The following GUCY1A2 variants were observed in gnomAD, a reference collection of about 807,000 sequenced individuals.
GUCY1A2 encodes the protein guanylate cyclase soluble subunit alpha-2.
GUCY1A2 carries 27 observed loss-of-function variants against 63.5 expected under a neutral mutation model. That is an observed-to-expected ratio of 0.43 (90% confidence interval 0.31 to 0.59). The LOEUF (loss-of-function observed/expected upper bound fraction) is 0.59. Among genes scored for constraint, GUCY1A2 ranks in the 20% least tolerant of loss-of-function variants. The probability of loss-of-function intolerance (pLI) is 0.11; values close to 1 mark genes in which losing one functional copy is unlikely to be tolerated. For missense variants in GUCY1A2, 768 were observed against 913.3 expected, an observed-to-expected ratio of 0.84 and a Z score of 2.05; for synonymous variants, 364 against 343.5, an observed-to-expected ratio of 1.06 and a Z score of -0.66.
chr11:106,711,896 C>A (rs10736431), intron 6 of GUCY1A2, among the ~76,000 whole-genome samples: 95,042 of 151,938 alleles, frequency 0.63, 30,783 homozygotes, highest in African/African-American at 0.79. Context: ...TTTTGGATAA[C>A]AAATCTGCTA....
chr11:106,690,666 T>G (rs1009266953), intron 7 of GUCY1A2, among the ~76,000 whole-genome samples: 5 of 152,202 alleles, frequency 3.3e-5, no homozygotes, highest in African/African-American at 9.7e-5. Context: ...TGTATATACA[T>G]TTGTATGTAA....
At chr11:106,923,999 A>C (rs1860485059) in intron 4 of GUCY1A2, among the ~76,000 whole-genome samples, 1 of 152,204 alleles carries the variant, frequency 6.6e-6, no homozygotes, top group Non-Finnish European at 1.5e-5. Context: ...ATATTCTTAA[A>C]TCTTTGACGA....
chr11:106,983,441 T>C (rs772703747), intron 2 of GUCY1A2, among the ~76,000 whole-genome samples: 43 of 152,184 alleles, frequency 2.8e-4, no homozygotes, highest in Non-Finnish European at 6.0e-4. Flanking sequence ...TCTGTGACCC[T>C]TCGAAACAGC....
chr11:106,860,175 G>C (rs1859490429), intron 4 of GUCY1A2, among the ~76,000 whole-genome samples: 1 of 151,692 alleles, frequency 6.6e-6, no homozygotes, highest in Non-Finnish European at 1.5e-5. Context: ...AACATATTGG[G>C]TTAAAAAGAG....
intron 7 of GUCY1A2, among the ~76,000 whole-genome samples, chr11:106,695,753 G>A (rs999488486): frequency 6.6e-6 from 1 of 152,046 alleles, no homozygotes; most frequent in Non-Finnish European, 1.5e-5. Flanking sequence ...TTCCAAATAA[G>A]GAAAGGAAGA....
chr11:106,841,211 A>G (rs1019608981), intron 4 of GUCY1A2, among the ~76,000 whole-genome samples: 1 of 151,752 alleles, frequency 6.6e-6, no homozygotes, highest in Non-Finnish European at 1.5e-5. Flanking sequence ...TACTGCCCCC[A>G]GCTGCCCTTC....
rs541832192 is a variant in GUCY1A2, at chr11:106,678,022, G to A, written c.*9527C>T. ...TAACAAATAAATGAATTTTATGAGT[G>A]CCTGGTGACACACTTGAAACAAATT... On this transcript the variant is annotated 3_prime_UTR_variant, in exon 8 of 8. Transcript: ENST00000526355. 9.9e-6 allele frequency: 2 copies of A among 202,482 alleles called. No individual in the cohort carries two copies. The highest frequency in any genetic ancestry group is 4.6e-5 in the African/African-American group (2 of 43,720). The allele number at this position is 202,482 out of a possible 1,614,324, so 12.5% of individuals were successfully genotyped here.
At chr11:106,893,745 A>C (rs1860006789) in intron 4 of GUCY1A2, among the ~76,000 whole-genome samples, 1 of 152,196 alleles carries the variant, frequency 6.6e-6, no homozygotes, top group Non-Finnish European at 1.5e-5. Flanking sequence ...CTGGAGCAGC[A>C]GCCCACAAGC....
intron 6 of GUCY1A2, among the ~76,000 whole-genome samples, chr11:106,744,983 T>C (rs994160445): frequency 6.6e-6 from 1 of 152,200 alleles, no homozygotes; most frequent in Non-Finnish European, 1.5e-5. Flanking sequence ...TGTAAACTAC[T>C]TTGTATAAAA....
At chr11:106,897,879 T>C (rs1174487035) in intron 4 of GUCY1A2, among the ~76,000 whole-genome samples, 1 of 152,016 alleles carries the variant, frequency 6.6e-6, no homozygotes, top group East Asian at 1.9e-4. Flanking sequence ...ATTAAAAATC[T>C]ATGCTCCACA....
At chr11:107,015,582 A>C (rs1317487553) in intron 1 of GUCY1A2, among the ~76,000 whole-genome samples, 8 of 148,324 alleles carry the variant, frequency 5.4e-5, no homozygotes, top group Non-Finnish European at 1.0e-4. Flanking sequence ...AAAAAAAAAA[A>C]AAAAAAAAAA....
intron 5 of GUCY1A2, among the ~76,000 whole-genome samples, chr11:106,803,432 C>G (rs537534137): frequency 1.3e-5 from 2 of 152,068 alleles, no homozygotes; most frequent in African/African-American, 4.8e-5. Flanking sequence ...ATTCTAATAA[C>G]CTAAAAGAAT....
At chr11:106,854,537 G>A (rs1342571832) in intron 4 of GUCY1A2, among the ~76,000 whole-genome samples, 1 of 152,174 alleles carries the variant, frequency 6.6e-6, no homozygotes, top group East Asian at 1.9e-4. Flanking sequence ...TCAAAATAGT[G>A]CATACAGGCA....
In GUCY1A2 at chr11:106,959,103, C is replaced by A. The variant is rs892621290; in HGVS notation, c.488-18925G>T. On this transcript the variant is annotated intron_variant, in intron 3 of 7. Coordinates refer to ENST00000526355, the MANE Select transcript of GUCY1A2 (RefSeq NM_000855.3). ...CAACTATTCATATTCGTTACGGTCTCAAAGTAGATCTCACAGAACACTGAG... is the reference window on the plus strand; with the variant it reads ...CAACTATTCATATTCGTTACGGTCTAAAAGTAGATCTCACAGAACACTGAG... Among the ~76,000 whole-genome samples, 3 of 152,132 alleles carry A rather than the reference C, an allele frequency of 2.0e-5. No homozygotes were observed. The East Asian group carries it at 5.8e-4, about 29-fold the overall frequency.
At chr11:106,882,838 ATAAT>A (rs756606341) in intron 4 of GUCY1A2, among the ~76,000 whole-genome samples, 28 of 152,158 alleles carry the variant, frequency 1.8e-4, no homozygotes, top group African/African-American at 2.9e-4. Flanking sequence ...AACTTACATA[ATAAT>A]TAGAGACGTG....
At chr11:106,793,530 G>C (rs1007559959) in intron 5 of GUCY1A2, among the ~76,000 whole-genome samples, 1 of 151,218 alleles carries the variant, frequency 6.6e-6, no homozygotes, top group Non-Finnish European at 1.5e-5. Flanking sequence ...ATTCTGCATA[G>C]CAAAAAAAAA....
In GUCY1A2 at chr11:106,681,298, C is replaced by T. The variant is rs1862428153; in HGVS notation, c.*6251G>A. The T allele has an allele frequency of 4.5e-6, 1 of 224,306 alleles. No homozygotes were observed. The highest frequency in any genetic ancestry group is 8.9e-6 in the Non-Finnish European group (1 of 112,464). The allele number at this position is 224,306 out of a possible 1,614,324, so 13.9% of individuals were successfully genotyped here. Reference sequence around the variant, plus strand: ...ATCTTTACTCTTTCATCTTCCAAGACCATATCAAACCAACATTTGAATAAA... The same window carrying T: ...ATCTTTACTCTTTCATCTTCCAAGATCATATCAAACCAACATTTGAATAAA... On this transcript the variant is annotated 3_prime_UTR_variant, in exon 8 of 8. Transcript: ENST00000526355.
chr11:106,906,300 A>C (rs568626119), intron 4 of GUCY1A2, among the ~76,000 whole-genome samples: 1 of 152,232 alleles, frequency 6.6e-6, no homozygotes, highest in Non-Finnish European at 1.5e-5. Flanking sequence ...GACACTTCTC[A>C]AAAGAAGACA....
At chr11:106,805,303 T>A (rs985420583) in intron 5 of GUCY1A2, among the ~76,000 whole-genome samples, 2 of 151,762 alleles carry the variant, frequency 1.3e-5, no homozygotes, top group Non-Finnish European at 2.9e-5. Flanking sequence ...TGGAATGCAG[T>A]GGCGTGATCT....
Sources: gnomAD v4.1 joint callset for allele counts (sites outside exome capture counted in the v4.1 genomes callset) on GRCh38, gnomAD v4.1.1 for gene constraint, MANE v1.5 for transcripts, NCBI Gene and HGNC (gene_info 2026-07-23, HGNC 2026-07-21) for gene names.